The following FBXW11 variants were observed in gnomAD, a reference collection of about 807,000 sequenced individuals.
FBXW11 encodes F-box and WD repeat domain containing 11.
A neutral mutation model predicts 77.6 loss-of-function variants in FBXW11; 19 were observed. That is an observed-to-expected ratio of 0.24 (90% CI 0.17 to 0.36). FBXW11 has a LOEUF of 0.36. Ranked by LOEUF, FBXW11 falls within the 10% of genes least tolerant of loss-of-function variation. The pLI is 1.00. For synonymous variants in FBXW11, 235 were observed against 249.4 expected, an observed-to-expected ratio of 0.94 and a Z score of 0.54; for missense variants, 334 against 704.2, an observed-to-expected ratio of 0.47 and a Z score of 5.95.
chr5:171,922,922 CGTGT>C (rs372433343), intron 2 of FBXW11, among the ~76,000 whole-genome samples: 2 of 150,106 alleles, frequency 1.3e-5, no homozygotes, highest in African/African-American at 4.9e-5. Context: ...TGTGTGTGTG[CGTGT>C]GTGTGTGTGA....
intron 2 of FBXW11, among the ~76,000 whole-genome samples, chr5:171,922,174 G>A (rs1186810594): frequency 3.3e-5 from 5 of 151,970 alleles, no homozygotes; most frequent in Non-Finnish European, 5.9e-5. Context: ...ATTTTCCATG[G>A]AGCATTTTGT....
chr5:171,919,040 C>T lies in FBXW11; in HGVS notation c.148-4635G>A, dbSNP rs924898949. 5.3e-5 allele frequency among the ~76,000 whole-genome samples: 8 copies of T among 152,260 alleles called. No homozygotes were observed. In the East Asian group the frequency reaches 1.2e-3, roughly 22 times the overall value. On this transcript the variant is annotated intron_variant, in intron 2 of 13. Transcript: ENST00000517395. ...TTGGCCCGTGTGACAGTCTGTGATGCTATTCACATACATCCTGACCTCGCC... is the reference window on the plus strand; with the variant it reads ...TTGGCCCGTGTGACAGTCTGTGATGTTATTCACATACATCCTGACCTCGCC...
intron 1 of FBXW11, among the ~76,000 whole-genome samples, chr5:171,987,642 G>A (rs542208152): frequency 2.0e-5 from 3 of 151,966 alleles, no homozygotes; most frequent in African/African-American, 7.3e-5. Context: ...TTAGTGAGAC[G>A]GGGTTTCGCC....
At chr5:171,953,718 G>C (rs1445591471) in intron 2 of FBXW11, among the ~76,000 whole-genome samples, 1 of 152,072 alleles carries the variant, frequency 6.6e-6, no homozygotes, top group African/African-American at 2.4e-5. Flanking sequence ...ACAGGGGTTC[G>C]GGAAAATAAA....
At chr5:171,896,780 T>C (rs1279868037) in intron 6 of FBXW11, among the ~76,000 whole-genome samples, 1 of 152,150 alleles carries the variant, frequency 6.6e-6, no homozygotes, top group Non-Finnish European at 1.5e-5. Context: ...CCCAACGTGG[T>C]TTGATATATG....
chr5:171,933,980 G>A (rs752015642), intron 2 of FBXW11, among the ~76,000 whole-genome samples: 45 of 152,230 alleles, frequency 3.0e-4, no homozygotes, highest in Non-Finnish European at 4.9e-4. Context: ...CTTAACTAAG[G>A]TTCTGTGAGA....
chr5:171,973,712 T>C (rs1300486307), intron 1 of FBXW11, among the ~76,000 whole-genome samples: 2 of 152,312 alleles, frequency 1.3e-5, no homozygotes, highest in East Asian at 3.9e-4. Context: ...ATTGTAACAA[T>C]GTATCACACT....
intron 2 of FBXW11, among the ~76,000 whole-genome samples, chr5:171,943,584 G>A (rs559293002): frequency 4.6e-5 from 7 of 152,162 alleles, no homozygotes; most frequent in South Asian, 4.1e-4. Flanking sequence ...TCAGCCTCCC[G>A]AGTAGCTGGG....
At position 171,977,322 on chromosome 5, in the gene FBXW11, AAAAG is replaced by A. The variant is rs1244655366; in HGVS notation, c.46-19628_46-19625del. 3.3e-5 allele frequency among the ~76,000 whole-genome samples: 5 copies of A among 151,962 alleles called. No homozygotes were observed. In the East Asian group the frequency reaches 9.6e-4, roughly 29 times the overall value. On this transcript the variant is annotated intron_variant, in intron 1 of 13. Coordinates refer to ENST00000517395, the MANE Select transcript of FBXW11 (RefSeq NM_001378974.1). ...AAGACCATGTCTCAAAAAAAAAAAA[AAAAG>A]AAAGAAAGAAAAGAAAAAAGAAAGA... is the stretch of plus-strand genomic sequence containing the variant.
chr5:171,875,604 T>C (rs550618494), intron 9 of FBXW11, among the ~76,000 whole-genome samples: 53 of 152,314 alleles, frequency 3.5e-4, no homozygotes, highest in African/African-American at 1.2e-3. Context: ...GCATGGAAAC[T>C]ATATCTCGGT....
chr5:171,866,326 G>A (rs1415868489), intron 13 of FBXW11, among the ~76,000 whole-genome samples: 1 of 152,090 alleles, frequency 6.6e-6, no homozygotes, highest in Non-Finnish European at 1.5e-5. Flanking sequence ...GACTGCCAAG[G>A]TTGTTAAAAG....
intron 1 of FBXW11, among the ~76,000 whole-genome samples, chr5:171,964,535 T>C (rs1384740862): frequency 6.6e-6 from 1 of 152,230 alleles, no homozygotes; most frequent in Non-Finnish European, 1.5e-5. Context: ...AACTTAGGAA[T>C]TATCCTATTG....
At chr5:171,982,680 T>C (rs939603933) in intron 1 of FBXW11, among the ~76,000 whole-genome samples, 2 of 152,216 alleles carry the variant, frequency 1.3e-5, no homozygotes, top group African/African-American at 2.4e-5. Flanking sequence ...TGTGGTGTTA[T>C]GACACATACA....
At position 171,967,498 on chromosome 5, in the gene FBXW11, C is replaced by T. The variant is rs528645383; in HGVS notation, c.46-9800G>A. Among the ~76,000 whole-genome samples the T allele has an allele frequency of 6.6e-5, 10 of 152,224 alleles. No individual in the cohort carries two copies. The East Asian group carries it at 1.7e-3, about 26-fold the overall frequency. On this transcript the variant is annotated intron_variant, in intron 1 of 13. Coordinates refer to ENST00000517395, the MANE Select transcript of FBXW11 (RefSeq NM_001378974.1). ...TCAAGAAACACTAAGTGAATAAAGG[C>T]AACAAACCAGGACTTACATTATGAT...
chr5:171,989,481 A>C (rs1409434745), intron 1 of FBXW11, among the ~76,000 whole-genome samples: 2 of 152,264 alleles, frequency 1.3e-5, no homozygotes, highest in Non-Finnish European at 2.9e-5. Context: ...CATTCTCGTC[A>C]AAATGTTTAA....
At chr5:171,985,916 C>T (rs1270651379) in intron 1 of FBXW11, among the ~76,000 whole-genome samples, 2 of 152,104 alleles carry the variant, frequency 1.3e-5, no homozygotes, top group African/African-American at 2.4e-5. Flanking sequence ...CACTGTACTC[C>T]AGCCTGGGTG....
At chr5:171,996,610 C>A (rs1684082057) in intron 1 of FBXW11, among the ~76,000 whole-genome samples, 1 of 152,148 alleles carries the variant, frequency 6.6e-6, no homozygotes, top group South Asian at 2.1e-4. Context: ...CTGCAGTAAG[C>A]CATGTTTGTG....
At chr5:171,998,240 T>C (rs1766178148) in intron 1 of FBXW11, among the ~76,000 whole-genome samples, 1 of 151,898 alleles carries the variant, frequency 6.6e-6, no homozygotes, top group Non-Finnish European at 1.5e-5. Context: ...AGTTGGGCCA[T>C]CCTGAAAGGG....
chr5:171,907,021 CT>C, intron 4 of FBXW11, among the ~76,000 whole-genome samples: 1 of 152,328 alleles, frequency 6.6e-6, no homozygotes, highest in South Asian at 2.1e-4. Context: ...GCTTATCATC[CT>C]TTTTGAAGTA....
Sources: gnomAD v4.1 joint callset for allele counts (sites outside exome capture counted in the v4.1 genomes callset) on GRCh38, gnomAD v4.1.1 for gene constraint, MANE v1.5 for transcripts, NCBI Gene and HGNC (gene_info 2026-07-23, HGNC 2026-07-21) for gene names.